ITCH: variants seen among roughly 807,000 people sequenced by gnomAD.
ITCH encodes the protein itchy E3 ubiquitin protein ligase, also known as E3 ubiquitin-protein ligase Itchy homolog.
Under a neutral mutation model 126.8 loss-of-function variants are expected in ITCH, and 28 were observed. The ratio of observed to expected loss-of-function variants is 0.22; its 90% CI spans 0.16 to 0.30. The LOEUF is 0.30. Ranked by LOEUF, ITCH falls within the 10% of genes least tolerant of loss-of-function variation. The pLI is 1.00. For missense variants in ITCH, 631 were observed against 1,032.4 expected, an observed-to-expected ratio of 0.61 and a Z score of 5.33; for synonymous variants, 342 against 340.0, an observed-to-expected ratio of 1.01 and a Z score of -0.06.
chr20:34,442,746 G>A (rs1983915389), intron 10 of ITCH, among the ~76,000 whole-genome samples: 1 of 151,700 alleles, frequency 6.6e-6, no homozygotes, highest in Admixed American at 6.6e-5. Flanking sequence ...GGGCGAGGTG[G>A]GAGGATCACG....
At chr20:34,393,479 C>T (rs1012387386) in intron 2 of ITCH, among the ~76,000 whole-genome samples, 1 of 151,904 alleles carries the variant, frequency 6.6e-6, no homozygotes, top group Non-Finnish European at 1.5e-5. Context: ...GATATGTTAG[C>T]GTTAAGATAA....
intron 4 of ITCH, among the ~76,000 whole-genome samples, chr20:34,410,033 C>A (rs560728632): frequency 1.4e-5 from 2 of 147,664 alleles, no homozygotes; most frequent in Admixed American, 6.9e-5. Context: ...GTAGCGAGAC[C>A]CTGTCTCTAC....
chr20:34,424,574 C>A, intron 7 of ITCH, 49 bp downstream of exon 7: 4 of 1,445,406 alleles, frequency 2.8e-6, no homozygotes, highest in Non-Finnish European at 3.9e-6. Context: ...GATAGATTTC[C>A]TAAATATTCA....
chr20:34,476,248 C>T, intron 16 of ITCH: 1 of 810,232 alleles, frequency 1.2e-6, no homozygotes, highest in South Asian at 1.3e-5. Context: ...TAATGTTTCA[C>T]CATCACAGTT....
intron 16 of ITCH, chr20:34,476,311 A>ACGCTCAGCGGCCGGCTCGCCTCCG (rs1988214846): frequency 2.9e-6 from 3 of 1,035,502 alleles, no homozygotes; most frequent in South Asian, 1.3e-5. Flanking sequence ...CCCTGCCGAC[A>ACGCTCAGCGGCCGGCTCGCCTCCG]CGCTCAGCGG....
At chr20:34,476,082 A>C (rs1988190958) in intron 16 of ITCH, 1 of 1,042,772 alleles carries the variant, frequency 9.6e-7, no homozygotes. Context: ...TCTCCTCATC[A>C]GTGATTGCAT....
intron 2 of ITCH, among the ~76,000 whole-genome samples, chr20:34,382,192 C>G (rs1015863537): frequency 2.6e-5 from 4 of 152,152 alleles, no homozygotes; most frequent in Admixed American, 2.0e-4. Context: ...TAGTTGTTTC[C>G]TAATAGGTAA....
At chr20:34,442,591 C>A (rs894484455) in intron 10 of ITCH, among the ~76,000 whole-genome samples, 4 of 151,996 alleles carry the variant, frequency 2.6e-5, no homozygotes, top group Non-Finnish European at 5.9e-5. Context: ...GAGCTCAAGC[C>A]ATCCTCCCGC....
At chr20:34,398,978 A>G (rs2038774526) in intron 3 of ITCH, among the ~76,000 whole-genome samples, 1 of 152,212 alleles carries the variant, frequency 6.6e-6, no homozygotes, top group Non-Finnish European at 1.5e-5. Flanking sequence ...ATTTTGCACA[A>G]ATCTCCTTAA....
intron 16 of ITCH, among the ~76,000 whole-genome samples, chr20:34,474,302 A>G (rs1987922703): frequency 6.6e-6 from 1 of 152,074 alleles, no homozygotes. Context: ...TAGGCAGAGG[A>G]CCCTGCGGCC....
intron 2 of ITCH, among the ~76,000 whole-genome samples, chr20:34,389,972 T>C (rs2038424338): frequency 6.6e-6 from 1 of 151,902 alleles, no homozygotes; most frequent in Non-Finnish European, 1.5e-5. Context: ...AATACAAAAA[T>C]TAGCTAGGTG....
At chr20:34,467,678 ATTTTTTTTTTTTTT>A (rs147009659) in intron 14 of ITCH, among the ~76,000 whole-genome samples, 1 of 98,054 alleles carries the variant, frequency 1.0e-5, no homozygotes, top group African/African-American at 3.9e-5. Flanking sequence ...TTTCTTTTTC[ATTTTTTTTTTTTTT>A]TTTTTTTTTT....
chr20:34,473,501 C>T (rs993638427), intron 16 of ITCH, among the ~76,000 whole-genome samples: 1 of 152,214 alleles, frequency 6.6e-6, no homozygotes, highest in Non-Finnish European at 1.5e-5. Flanking sequence ...GACCTGTCAG[C>T]CTGCTCATTC....
chr20:34,480,500 C>G, intron 18 of ITCH, 99 bp from the exon 19 acceptor site: 1 of 1,424,854 alleles, frequency 7.0e-7, no homozygotes, highest in South Asian at 1.2e-5. Flanking sequence ...CCATGCCTGA[C>G]CCAGGGAAGT....
intron 3 of ITCH, among the ~76,000 whole-genome samples, chr20:34,396,177 G>A (rs1012913218): frequency 1.3e-5 from 2 of 151,782 alleles, no homozygotes; most frequent in African/African-American, 4.8e-5. Context: ...GGGACTACCG[G>A]CACGCACAAC....
At chr20:34,448,286 A>G (rs1984717445) in intron 11 of ITCH, among the ~76,000 whole-genome samples, 1 of 152,016 alleles carries the variant, frequency 6.6e-6, no homozygotes. Context: ...CCAGCTACTC[A>G]GGAGGCTGAG....
intron 11 of ITCH, among the ~76,000 whole-genome samples, 183 bp from the exon 12 acceptor site, chr20:34,449,228 C>T (rs1009111906): frequency 9.2e-5 from 14 of 151,854 alleles, no homozygotes; most frequent in Non-Finnish European, 1.9e-4. Context: ...GTAATGTTTG[C>T]ACCGGTTTTT....
intron 22 of ITCH, among the ~76,000 whole-genome samples, chr20:34,491,349 G>T (rs918989791): frequency 6.6e-5 from 10 of 152,170 alleles, no homozygotes; most frequent in African/African-American, 2.4e-4. Context: ...TACTAGAATG[G>T]GCAGCTTCAT....
intron 7 of ITCH, 55 bp downstream of exon 7, chr20:34,424,580 A>G: frequency 4.9e-6 from 7 of 1,414,452 alleles, no homozygotes; most frequent in Non-Finnish European, 7.0e-6. Context: ...TTTCCTAAAT[A>G]TTCATTTTAG....
Sources: gnomAD v4.1 joint callset for allele counts (sites outside exome capture counted in the v4.1 genomes callset) on GRCh38, gnomAD v4.1.1 for gene constraint, MANE v1.5 for transcripts, NCBI Gene and HGNC (gene_info 2026-07-23, HGNC 2026-07-21) for gene names.